The following CACNA1C variants were observed in gnomAD, a reference collection of about 807,000 sequenced individuals.
CACNA1C encodes the protein calcium voltage-gated channel subunit alpha1 C.
A neutral mutation model predicts 229.0 loss-of-function variants in CACNA1C; 30 were observed. The observed-to-expected ratio is 0.13, with a 90% CI of 0.10 to 0.18. CACNA1C has a LOEUF of 0.18. Among genes scored for constraint, CACNA1C ranks in the 10% least tolerant of loss-of-function variants. The probability of loss-of-function intolerance (pLI) is 1.00; values close to 1 mark genes in which losing one functional copy is unlikely to be tolerated. For missense variants in CACNA1C, 1,658 were observed against 2,845.0 expected, an observed-to-expected ratio of 0.58 and a Z score of 9.49; for synonymous variants, 1,114 against 1,132.5, an observed-to-expected ratio of 0.98 and a Z score of 0.33.
intron 7 of CACNA1C, among the ~76,000 whole-genome samples, chr12:2,498,223 G>A (rs934605569): frequency 5.3e-5 from 8 of 152,184 alleles, no homozygotes; most frequent in African/African-American, 1.9e-4. Context: ...TCTAAGTGAG[G>A]AGCTGAGAAA....
At chr12:2,279,735 A>G (rs887638226) in intron 3 of CACNA1C, among the ~76,000 whole-genome samples, 8 of 152,274 alleles carry the variant, frequency 5.3e-5, no homozygotes, top group African/African-American at 1.4e-4. Context: ...AATAAAAAAT[A>G]TAACAAAAAT....
chr12:2,246,537 G>T (rs1357472817), intron 3 of CACNA1C, among the ~76,000 whole-genome samples: 1 of 152,096 alleles, frequency 6.6e-6, no homozygotes, highest in South Asian at 2.1e-4. Context: ...TCCTGTAACT[G>T]CTGGACCCAT....
At chr12:2,434,216 C>T (rs1410229161) in intron 3 of CACNA1C, among the ~76,000 whole-genome samples, 1 of 152,082 alleles carries the variant, frequency 6.6e-6, no homozygotes, top group Admixed American at 6.5e-5. Flanking sequence ...TCAGGCCTGA[C>T]CCCCCGTCTG....
intron 1 of CACNA1C, chr12:1,991,357 C>A (rs1237454313): frequency 2.4e-6 from 1 of 412,894 alleles, no homozygotes; most frequent in Non-Finnish European, 4.8e-6. Flanking sequence ...ATATGAAAAA[C>A]AAATTAAAAT....
chr12:2,355,968 A>G (rs1035739872), intron 3 of CACNA1C, among the ~76,000 whole-genome samples: 2 of 152,096 alleles, frequency 1.3e-5, no homozygotes, highest in African/African-American at 2.4e-5. Context: ...TCTTGCCCCA[A>G]CCCTCTCCTC....
chr12:2,124,213 T>C (rs1050856454), intron 3 of CACNA1C, among the ~76,000 whole-genome samples: 3 of 151,972 alleles, frequency 2.0e-5, no homozygotes, highest in Non-Finnish European at 4.4e-5. Flanking sequence ...AAGATGAAAC[T>C]GTAAACAGTT....
intron 9 of CACNA1C, among the ~76,000 whole-genome samples, chr12:2,532,548 A>T (rs376571682): frequency 7.9e-5 from 12 of 152,324 alleles, no homozygotes; most frequent in African/African-American, 2.9e-4. Flanking sequence ...AAAGCGATAG[A>T]GCAGCTTGAA....
At chr12:2,005,420 G>A (rs554593529) in intron 1 of CACNA1C, among the ~76,000 whole-genome samples, 1 of 152,190 alleles carries the variant, frequency 6.6e-6, no homozygotes, top group Admixed American at 6.5e-5. Context: ...AAAGAAAGAT[G>A]GGCAAACTAT....
In CACNA1C at chr12:2,358,092, T is replaced by C. The variant is rs538651757; in HGVS notation, c.478-90884T>C. 2.6e-5 allele frequency among the ~76,000 whole-genome samples: 4 copies of C among 152,256 alleles called. No individual in the cohort carries two copies. In the East Asian group the frequency reaches 5.8e-4, roughly 22 times the overall value. On this transcript the variant is annotated intron_variant, in intron 3 of 46. Coordinates refer to ENST00000399655, the MANE Select transcript of CACNA1C (RefSeq NM_000719.7). ...TCACCATTTGAGGAAAAGTTACTGATGATTCCTTATCTCATCAGCTATGGA... is the reference window on the plus strand; with the variant it reads ...TCACCATTTGAGGAAAAGTTACTGACGATTCCTTATCTCATCAGCTATGGA...
chr12:2,436,715 A>G (rs563937955), intron 3 of CACNA1C, among the ~76,000 whole-genome samples: 1 of 152,260 alleles, frequency 6.6e-6, no homozygotes, highest in Non-Finnish European at 1.5e-5. Flanking sequence ...GCACCGTTGC[A>G]GAGACATCAG....
At chr12:2,125,088 A>G (rs1345158963) in intron 3 of CACNA1C, among the ~76,000 whole-genome samples, 4 of 152,126 alleles carry the variant, frequency 2.6e-5, no homozygotes, top group African/African-American at 7.2e-5. Flanking sequence ...GGGTGGAGGA[A>G]GAGGAGCAAA....
At chr12:2,030,691 C>T (rs2048074969) in intron 1 of CACNA1C, among the ~76,000 whole-genome samples, 1 of 152,212 alleles carries the variant, frequency 6.6e-6, no homozygotes. Flanking sequence ...AGCCCGGGCA[C>T]AGGCCACAGC....
At chr12:2,581,522 T>G in intron 13 of CACNA1C, 68 bp from the exon 14 acceptor site, 2 of 1,407,598 alleles carry the variant, frequency 1.4e-6, no homozygotes, top group Non-Finnish European at 9.6e-7. Flanking sequence ...TGGGCAGTTG[T>G]GAGAATGAGG....
At chr12:2,156,450 ATC>A (rs1308706260) in intron 3 of CACNA1C, among the ~76,000 whole-genome samples, 1 of 152,222 alleles carries the variant, frequency 6.6e-6, no homozygotes, top group Non-Finnish European at 1.5e-5. Flanking sequence ...GACAAAATGA[ATC>A]CAAAGAAGAC....
chr12:2,655,223 T>C lies in CACNA1C; in HGVS notation c.4217T>C (p.Val1406Ala), dbSNP rs756165135. Residue 1406 changes from valine to alanine, a missense_variant, in exon 34 of 47, where the codon GTG becomes GCG. Val to Ala is a moderately conservative substitution (Grantham distance 64). Transcript: ENST00000399655. ...NNNFQTFPQA[V>A]LLLFRCATGE... ...AACTTTCAGACCTTCCCCCAGGCCG[T>C]GCTGCTCCTCTTCAGGTGGGTCCCT... 6.2e-7 allele frequency: 1 copy of C among 1,611,796 alleles called. No homozygotes were observed. Among genetic ancestry groups the C allele is most frequent in the South Asian group, 1.1e-5 (1 of 90,876 alleles).
chr12:2,452,345 C>T (rs1396616836), intron 4 of CACNA1C, among the ~76,000 whole-genome samples: 4 of 152,124 alleles, frequency 2.6e-5, no homozygotes, highest in South Asian at 2.1e-4. Context: ...ACCGAGGGAC[C>T]GTGGAATCCT....
rs1324966952 is a variant in CACNA1C at position 2,692,450 on chromosome 12, A to G, written c.*1251A>G. ...ATGCACCCACACCATGTGCCCGTGC[A>G]CACCAGTGACTACGCAGTCCCCCCT... On this transcript the variant is annotated 3_prime_UTR_variant, in exon 47 of 47. Transcript: ENST00000399655. The G allele has an allele frequency of 1.3e-5, 2 of 152,616 alleles. No individual in the cohort carries two copies. Among genetic ancestry groups the G allele is most frequent in the Non-Finnish European group, 2.9e-5 (2 of 68,044 alleles). The allele number at this position is 152,616 out of a possible 1,614,324, so 9.5% of individuals were successfully genotyped here. A position where few individuals can be genotyped will look rare whatever the true frequency, so the allele number is the denominator to read the frequency against.
In CACNA1C at chr12:2,585,817, T is replaced by C; in HGVS notation, c.2461-18T>C. On this transcript the variant is annotated intron_variant, in intron 17 of 46. Coordinates refer to ENST00000399655, the MANE Select transcript of CACNA1C (RefSeq NM_000719.7). The surrounding 1 kb of genome is among the most constrained non-coding windows in gnomAD (Gnocchi z 4.1). ...CGTATCTAACTATTCTTCCCCCTTC[T>C]CCCCTGTGACTGTCTAGATCAACAT... is the stretch of plus-strand genomic sequence containing the variant. The C allele has an allele frequency of 1.9e-6, 3 of 1,587,048 alleles. No homozygotes were observed. The highest frequency in any genetic ancestry group is 2.6e-6 in the Non-Finnish European group (3 of 1,158,942).
chr12:2,142,325 G>A (rs970181755), intron 3 of CACNA1C, among the ~76,000 whole-genome samples: 1 of 151,024 alleles, frequency 6.6e-6, no homozygotes, highest in African/African-American at 2.4e-5. Flanking sequence ...TGGTGCAGTG[G>A]CACTCATTAC....
Sources: allele counts gnomAD v4.1 joint callset (sites outside exome capture counted in the v4.1 genomes callset), GRCh38; gene constraint gnomAD v4.1.1; non-coding constraint Gnocchi (gnomAD v3.1); transcripts MANE v1.5; gene names NCBI Gene and HGNC (gene_info 2026-07-23, HGNC 2026-07-21).